RABGAP1L: variants seen among roughly 807,000 people sequenced by gnomAD.
RABGAP1L encodes rab GTPase-activating protein 1-like.
In RABGAP1L, 63 loss-of-function variants were observed where a neutral mutation model predicts 137.7. That is an observed-to-expected ratio of 0.46 (90% CI 0.37 to 0.56). RABGAP1L has a LOEUF of 0.56. Ranked by LOEUF, RABGAP1L falls within the 20% of genes least tolerant of loss-of-function variation. The pLI is 0.00. For missense variants in RABGAP1L, 1,095 were observed against 1,244.0 expected (o/e 0.88, Z 1.80); for synonymous variants, 431 against 433.7 (o/e 0.99, Z 0.08).
chr1:174,172,704 T>C (rs1243835685), intron 1 of RABGAP1L, among the ~76,000 whole-genome samples: 1 of 152,186 alleles, frequency 6.6e-6, no homozygotes, highest in Non-Finnish European at 1.5e-5. Context: ...TATTTCGTTT[T>C]GTTTTGTTTT....
intron 19 of RABGAP1L, among the ~76,000 whole-genome samples, chr1:174,847,722 C>T (rs1334146266): frequency 2.4e-5 from 3 of 127,044 alleles, no homozygotes; most frequent in African/African-American, 9.2e-5. Context: ...TTGCTCTTCT[C>T]GAGGATTATC....
intron 4 of RABGAP1L, among the ~76,000 whole-genome samples, chr1:174,238,266 C>T (rs1278383924): frequency 1.3e-5 from 2 of 152,218 alleles, no homozygotes; most frequent in African/African-American, 4.8e-5. Context: ...CTTCTTCTCT[C>T]AGCTCGTCAG....
At chr1:174,911,090 A>G (rs562228126) in intron 19 of RABGAP1L, among the ~76,000 whole-genome samples, 18 of 152,204 alleles carry the variant, frequency 1.2e-4, no homozygotes, top group African/African-American at 4.3e-4. Context: ...CCATTTGTAT[A>G]TCTTCTTTGG....
At chr1:174,756,337 AC>A (rs1684754208) in intron 18 of RABGAP1L, among the ~76,000 whole-genome samples, 1 of 152,012 alleles carries the variant, frequency 6.6e-6, no homozygotes, top group African/African-American at 2.4e-5. Flanking sequence ...TTTAGTAGAG[AC>A]GGGGTTTCAC....
At chr1:174,719,722 T>A (rs1681335366) in intron 17 of RABGAP1L, among the ~76,000 whole-genome samples, 1 of 152,212 alleles carries the variant, frequency 6.6e-6, no homozygotes, top group Admixed American at 6.5e-5. Context: ...TCAATTTTTA[T>A]AAAAAGCTGA....
At chr1:174,925,000 A>C (rs1188522096) in intron 19 of RABGAP1L, among the ~76,000 whole-genome samples, 1 of 152,148 alleles carries the variant, frequency 6.6e-6, no homozygotes. Context: ...ACATTTGCGC[A>C]AGGACTTGAC....
At chr1:174,166,092 A>G (rs1260146040) in intron 1 of RABGAP1L, among the ~76,000 whole-genome samples, 1 of 152,224 alleles carries the variant, frequency 6.6e-6, no homozygotes, top group Non-Finnish European at 1.5e-5. Flanking sequence ...TGATTAAAAT[A>G]TGATCCAGAG....
chr1:174,239,122 C>G (rs993772613), intron 4 of RABGAP1L, among the ~76,000 whole-genome samples: 1 of 152,296 alleles, frequency 6.6e-6, no homozygotes, highest in South Asian at 2.1e-4. Context: ...CGCCCTGCTT[C>G]GGCTCGCGCA....
chr1:174,204,372 A>G (rs897651116), intron 1 of RABGAP1L, among the ~76,000 whole-genome samples: 9 of 152,030 alleles, frequency 5.9e-5, no homozygotes, highest in South Asian at 2.1e-4. Flanking sequence ...AGATAGTTTG[A>G]CTTCTACTCT....
intron 11 of RABGAP1L, among the ~76,000 whole-genome samples, chr1:174,333,284 A>G (rs1571264354): frequency 6.6e-6 from 1 of 152,208 alleles, no homozygotes; most frequent in South Asian, 2.1e-4. Flanking sequence ...ACTGTAACGC[A>G]TCGGATATTT....
intron 14 of RABGAP1L, among the ~76,000 whole-genome samples, chr1:174,678,922 G>A (rs1677847795): frequency 6.6e-6 from 1 of 152,234 alleles, no homozygotes. Flanking sequence ...AGCAGTGGGT[G>A]TGCGACAGTG....
At chr1:174,712,833 G>A (rs965076901) in intron 17 of RABGAP1L, among the ~76,000 whole-genome samples, 1 of 152,266 alleles carries the variant, frequency 6.6e-6, no homozygotes, top group East Asian at 1.9e-4. Context: ...CCATCAGTCA[G>A]TGGCCTGCTG....
At chr1:174,692,516 C>T (rs953515217) in intron 15 of RABGAP1L, among the ~76,000 whole-genome samples, 15 of 152,188 alleles carry the variant, frequency 9.9e-5, no homozygotes, top group South Asian at 4.2e-4. Context: ...TTGTCTGAGT[C>T]ATAAAAAGCA....
At chr1:174,481,031 C>G (rs554177278) in intron 13 of RABGAP1L, among the ~76,000 whole-genome samples, 16 of 152,178 alleles carry the variant, frequency 1.1e-4, no homozygotes, top group Non-Finnish European at 2.4e-4. Context: ...ATTTTTTACT[C>G]TCACCTTTCT....
At chr1:174,238,647 T>C (rs1170359310) in intron 4 of RABGAP1L, among the ~76,000 whole-genome samples, 3 of 150,514 alleles carry the variant, frequency 2.0e-5, no homozygotes, top group Non-Finnish European at 4.4e-5. Flanking sequence ...AGCTGCGTGC[T>C]GGGAGAACCA....
At chr1:174,225,494 C>CTTTTTTTTTTTTTTTTTTTTTTTTTT (rs59323156) in intron 3 of RABGAP1L, among the ~76,000 whole-genome samples, 1 of 105,732 alleles carries the variant, frequency 9.5e-6, no homozygotes, top group African/African-American at 3.5e-5. Context: ...AGAATGTTGA[C>CTTTTTTTTTTTTTTTTTTTTTTTTTT]TTTTTTTTTT....
At chr1:174,788,513 C>G (rs953634680) in intron 18 of RABGAP1L, among the ~76,000 whole-genome samples, 1 of 152,192 alleles carries the variant, frequency 6.6e-6, no homozygotes, top group South Asian at 2.1e-4. Context: ...TTCTCACATT[C>G]GATTGACTAC....
chr1:174,378,035 G>A (rs1391723162), intron 12 of RABGAP1L, among the ~76,000 whole-genome samples: 1,518 of 141,856 alleles, frequency 0.011, 27 homozygotes, highest in African/African-American at 0.04. Flanking sequence ...AATATGCGGT[G>A]TTTGGTTTTT....
At chr1:174,540,774 T>C (rs1371041528) in intron 13 of RABGAP1L, among the ~76,000 whole-genome samples, 2 of 152,326 alleles carry the variant, frequency 1.3e-5, no homozygotes, top group African/African-American at 4.8e-5. Flanking sequence ...CTTGGCAATG[T>C]GGGTTCTTTT....
Sources: allele counts gnomAD v4.1 joint callset (sites outside exome capture counted in the v4.1 genomes callset), GRCh38; gene constraint gnomAD v4.1.1; transcripts MANE v1.5; gene names NCBI Gene and HGNC (gene_info 2026-07-23, HGNC 2026-07-21).